Variants in MYRIP observed in about 807,000 individuals in gnomAD.
MYRIP encodes myosin VIIA and Rab interacting protein.
A neutral mutation model predicts 98.0 loss-of-function variants in MYRIP; 49 were observed. The ratio of observed to expected loss-of-function variants is 0.50; its 90% CI spans 0.40 to 0.63. MYRIP has a LOEUF of 0.63. MYRIP is among the 30% of genes least tolerant of loss of function. MYRIP has a pLI of 0.00. For synonymous variants in MYRIP, 404 were observed against 409.5 expected (o/e 0.99, Z 0.16); for missense variants, 1,004 against 1,058.2 (o/e 0.95, Z 0.71).
chr3:39,878,044 C>A (rs1028113948), intron 1 of MYRIP, among the ~76,000 whole-genome samples: 6 of 152,230 alleles, frequency 3.9e-5, no homozygotes, highest in Non-Finnish European at 8.8e-5. Flanking sequence ...CAAGCCTGGG[C>A]AATGGCAGGC....
chr3:40,245,462 C>T (rs1953163900), intron 13 of MYRIP, among the ~76,000 whole-genome samples: 1 of 151,862 alleles, frequency 6.6e-6, no homozygotes, highest in African/African-American at 2.4e-5. Flanking sequence ...TCCTGGCTAA[C>T]ACAGTGAAAC....
chr3:40,222,764 C>T (rs1952374297), intron 11 of MYRIP, among the ~76,000 whole-genome samples: 1 of 152,158 alleles, frequency 6.6e-6, no homozygotes, highest in Admixed American at 6.5e-5. Flanking sequence ...GAACATTTAC[C>T]TGATGTATAA....
intron 2 of MYRIP, among the ~76,000 whole-genome samples, chr3:40,042,219 A>G (rs1242555075): frequency 1.3e-5 from 2 of 150,396 alleles, no homozygotes; most frequent in African/African-American, 4.9e-5. Flanking sequence ...TAAAAGCAGG[A>G]TACAAAATAC....
At chr3:39,951,972 TAG>T (rs931507895) in intron 2 of MYRIP, among the ~76,000 whole-genome samples, 3 of 152,212 alleles carry the variant, frequency 2.0e-5, no homozygotes, top group African/African-American at 4.8e-5. Flanking sequence ...AGTAAATTTA[TAG>T]AGTTATGCAA....
chr3:39,859,104 T>C (rs1942387053), intron 1 of MYRIP, among the ~76,000 whole-genome samples: 1 of 120,198 alleles, frequency 8.3e-6, no homozygotes, highest in African/African-American at 3.2e-5. Context: ...ACTGAGTTGG[T>C]TTTTTGAAAA....
chr3:40,004,400 G>T (rs1389646844), intron 2 of MYRIP, among the ~76,000 whole-genome samples: 29 of 152,152 alleles, frequency 1.9e-4, no homozygotes, highest in Admixed American at 1.9e-3. Context: ...CATTGAGCCC[G>T]GGCCATACCA....
chr3:39,819,201 AGCTGAGCATG>A (rs1276894114), intron 1 of MYRIP, among the ~76,000 whole-genome samples: 1 of 152,164 alleles, frequency 6.6e-6, no homozygotes, highest in Non-Finnish European at 1.5e-5. Context: ...ACAAAAAATT[AGCTGAGCATG>A]GTGGTGCATG....
intron 1 of MYRIP, among the ~76,000 whole-genome samples, chr3:39,885,563 G>T (rs1943272981): frequency 6.6e-6 from 1 of 152,116 alleles, no homozygotes; most frequent in Non-Finnish European, 1.5e-5. Context: ...GATTGGGGAA[G>T]TTCTCCTGGA....
chr3:39,961,003 A>G (rs1335541761), intron 2 of MYRIP, among the ~76,000 whole-genome samples: 3 of 152,144 alleles, frequency 2.0e-5, no homozygotes, highest in African/African-American at 7.2e-5. Flanking sequence ...GCACTTCGCA[A>G]TCTCTCAACC....
At chr3:40,164,726 T>G (rs1426522420) in intron 5 of MYRIP, among the ~76,000 whole-genome samples, 1 of 152,216 alleles carries the variant, frequency 6.6e-6, no homozygotes, top group Non-Finnish European at 1.5e-5. Flanking sequence ...AACCTTTCTC[T>G]CTGAAACACT....
intron 2 of MYRIP, among the ~76,000 whole-genome samples, chr3:39,922,322 G>C (rs1037220756): frequency 2.0e-5 from 3 of 152,042 alleles, no homozygotes; most frequent in African/African-American, 7.2e-5. Flanking sequence ...CCATCCAAAC[G>C]ACACAGAAAA....
intron 3 of MYRIP, among the ~76,000 whole-genome samples, chr3:40,093,989 T>A (rs1057366513): frequency 6.6e-6 from 1 of 152,166 alleles, no homozygotes; most frequent in Non-Finnish European, 1.5e-5. Context: ...ACTTTCCTGT[T>A]ACCTCCTACC....
intron 2 of MYRIP, among the ~76,000 whole-genome samples, chr3:40,014,885 C>T (rs947178384): frequency 2.6e-5 from 4 of 152,172 alleles, no homozygotes; most frequent in Non-Finnish European, 4.4e-5. Flanking sequence ...TTTGTCTGGG[C>T]TTGAGTTACC....
At chr3:40,230,713 A>G (rs1952627106) in intron 11 of MYRIP, among the ~76,000 whole-genome samples, 1 of 152,234 alleles carries the variant, frequency 6.6e-6, no homozygotes. Flanking sequence ...CAGGTGGGAA[A>G]TTGCTGTGGA....
At chr3:39,960,843 T>G (rs961272259) in intron 2 of MYRIP, among the ~76,000 whole-genome samples, 1 of 152,166 alleles carries the variant, frequency 6.6e-6, no homozygotes, top group East Asian at 1.9e-4. Context: ...CAATTGCATT[T>G]CTTGGGGACC....
chr3:39,965,441 G>T (rs1945416620), intron 2 of MYRIP, among the ~76,000 whole-genome samples: 1 of 152,022 alleles, frequency 6.6e-6, no homozygotes, highest in Admixed American at 6.6e-5. Flanking sequence ...AGTCAGTACA[G>T]CTTTATTTTT....
chr3:39,907,561 T>C (rs1943908850), intron 2 of MYRIP, among the ~76,000 whole-genome samples: 2 of 152,168 alleles, frequency 1.3e-5, no homozygotes, highest in African/African-American at 4.8e-5. Flanking sequence ...GCCTGATCCC[T>C]TTGACACTGG....
At chr3:39,835,685 C>T (rs2125588820) in intron 1 of MYRIP, among the ~76,000 whole-genome samples, 1 of 152,200 alleles carries the variant, frequency 6.6e-6, no homozygotes, top group African/African-American at 2.4e-5. Context: ...TGGTGGTTTG[C>T]TGTACCTATC....
chr3:40,110,107 AGT>A (rs1257164680), intron 3 of MYRIP, among the ~76,000 whole-genome samples: 1 of 152,224 alleles, frequency 6.6e-6, no homozygotes, highest in East Asian at 1.9e-4. Context: ...TCTGCCCACC[AGT>A]GGGCCTTTTG....
Sources: allele counts gnomAD v4.1 joint callset (sites outside exome capture counted in the v4.1 genomes callset), GRCh38; gene constraint gnomAD v4.1.1; transcripts MANE v1.5; gene names NCBI Gene and HGNC (gene_info 2026-07-23, HGNC 2026-07-21).